RBFOX1: variants seen among roughly 807,000 people sequenced by gnomAD.
The protein encoded by RBFOX1 is RNA binding fox-1 homolog 1.
Under a neutral mutation model 57.7 loss-of-function variants are expected in RBFOX1, and 8 were observed. That is an observed-to-expected ratio of 0.14 (90% CI 0.08 to 0.25). The LOEUF (loss-of-function observed/expected upper bound fraction) is 0.25. RBFOX1 is among the 10% of genes least tolerant of loss of function. The pLI is 1.00. For synonymous variants in RBFOX1, 326 were observed against 222.4 expected (o/e 1.47, Z -4.15); for missense variants, 611 against 548.5 (o/e 1.11, Z -1.14).
intron 3 of RBFOX1, among the ~76,000 whole-genome samples, chr16:5,662,221 AG>A (rs1236153165): frequency 2.9e-4 from 44 of 152,240 alleles, no homozygotes. Flanking sequence ...TATACCTTTG[AG>A]TGTCTTCTAA....
chr16:6,784,820 T>C (rs192121840), intron 3 of RBFOX1, among the ~76,000 whole-genome samples: 1 of 152,256 alleles, frequency 6.6e-6, no homozygotes, highest in African/African-American at 2.4e-5. Context: ...CCACCTCATA[T>C]ATTTCATTGT....
intron 2 of RBFOX1, among the ~76,000 whole-genome samples, chr16:6,385,735 C>T (rs563413546): frequency 3.3e-5 from 5 of 152,186 alleles, no homozygotes; most frequent in East Asian, 3.9e-4. Flanking sequence ...GTGATAAGCA[C>T]AGTGACTCAT....
chr16:7,146,602 A>T (rs980319303), intron 4 of RBFOX1, among the ~76,000 whole-genome samples: 1 of 152,124 alleles, frequency 6.6e-6, no homozygotes, highest in African/African-American at 2.4e-5. Flanking sequence ...AGCTTATGAT[A>T]CCCAGCATAT....
intron 4 of RBFOX1, among the ~76,000 whole-genome samples, chr16:7,285,077 T>TA (rs1480586531): frequency 8.9e-6 from 1 of 112,184 alleles, no homozygotes; most frequent in Non-Finnish European, 1.7e-5. Context: ...ATTCCTTACT[T>TA]TTTTTTTTTT....
intron 2 of RBFOX1, among the ~76,000 whole-genome samples, chr16:6,543,251 C>T (rs2096848862): frequency 6.6e-6 from 1 of 152,080 alleles, no homozygotes; most frequent in African/African-American, 2.4e-5. Context: ...CTCCTCCATG[C>T]CACCGTTAGC....
chr16:6,418,519 ATTT>A (rs567448072), intron 2 of RBFOX1, among the ~76,000 whole-genome samples: 2 of 100,956 alleles, frequency 2.0e-5, no homozygotes, highest in African/African-American at 8.0e-5. Flanking sequence ...TGCAAGCCTT[ATTT>A]TTTTTTTTTT....
At chr16:7,289,395 C>T (rs907265702) in intron 4 of RBFOX1, among the ~76,000 whole-genome samples, 3 of 151,876 alleles carry the variant, frequency 2.0e-5, no homozygotes, top group African/African-American at 7.3e-5. Flanking sequence ...TTACCGATAC[C>T]AACATTACCA....
chr16:5,838,301 T>C (rs900463865), intron 3 of RBFOX1: 8 of 222,842 alleles, frequency 3.6e-5, no homozygotes, highest in Admixed American at 1.1e-4. Flanking sequence ...CCTGCCTCTT[T>C]CCACATGTAC....
At chr16:6,110,792 A>G (rs192585730) in intron 1 of RBFOX1, among the ~76,000 whole-genome samples, 5 of 152,266 alleles carry the variant, frequency 3.3e-5, no homozygotes, top group Non-Finnish European at 5.9e-5. Flanking sequence ...CACTGCTGCA[A>G]CCAGGGAGGC....
At chr16:7,567,694 T>TATGG (rs2092215081) in intron 5 of RBFOX1, among the ~76,000 whole-genome samples, 1 of 140,812 alleles carries the variant, frequency 7.1e-6, no homozygotes, top group Non-Finnish European at 1.5e-5. Context: ...TAGATATATA[T>TATGG]CCCTATATAT....
At chr16:5,805,435 G>T (rs2055194824) in intron 3 of RBFOX1, among the ~76,000 whole-genome samples, 1 of 152,180 alleles carries the variant, frequency 6.6e-6, no homozygotes. Context: ...TCTTTAATAT[G>T]AAGCTGTTAA....
At chr16:7,330,137 A>C (rs189135402) in intron 4 of RBFOX1, among the ~76,000 whole-genome samples, 2 of 152,130 alleles carry the variant, frequency 1.3e-5, no homozygotes, top group Admixed American at 1.3e-4. Flanking sequence ...TCATCCCTCA[A>C]TATGGTGGGA....
intron 4 of RBFOX1, among the ~76,000 whole-genome samples, chr16:7,439,956 T>C (rs949700643): frequency 1.0e-3 from 154 of 149,478 alleles, no homozygotes; most frequent in Admixed American, 2.1e-3. Context: ...TTTCTTTTTT[T>C]TTTTTTTTTT....
At chr16:7,256,348 A>T (rs967301178) in intron 4 of RBFOX1, among the ~76,000 whole-genome samples, 4 of 152,136 alleles carry the variant, frequency 2.6e-5, no homozygotes, top group African/African-American at 9.7e-5. Context: ...CATTCCTACC[A>T]GAAGTTCTGA....
intron 3 of RBFOX1, among the ~76,000 whole-genome samples, chr16:5,808,870 G>C (rs936547229): frequency 1.3e-5 from 2 of 152,148 alleles, no homozygotes; most frequent in Non-Finnish European, 2.9e-5. Context: ...TGCAAACAGG[G>C]ACAATTTGAC....
At chr16:7,682,069 C>T (rs1459040726) in intron 14 of RBFOX1, among the ~76,000 whole-genome samples, 2 of 152,222 alleles carry the variant, frequency 1.3e-5, no homozygotes, top group East Asian at 1.9e-4. Context: ...TGGTTGTCAA[C>T]CCTCTTTTCT....
chr16:7,015,309 T>C (rs61389301), intron 3 of RBFOX1, among the ~76,000 whole-genome samples: 7,542 of 152,210 alleles, frequency 0.05, 635 homozygotes, highest in African/African-American at 0.17. Flanking sequence ...CTGGGATTGT[T>C]CTTCTAGACT....
chr16:6,441,381 C>G (rs753258656), intron 2 of RBFOX1, among the ~76,000 whole-genome samples: 1 of 151,948 alleles, frequency 6.6e-6, no homozygotes, highest in Admixed American at 6.6e-5. Context: ...TTGTCAGCTT[C>G]GTTTTATTTT....
At chr16:6,933,952 A>C (rs2076965152) in intron 3 of RBFOX1, among the ~76,000 whole-genome samples, 1 of 152,216 alleles carries the variant, frequency 6.6e-6, no homozygotes, top group Admixed American at 6.5e-5. Flanking sequence ...GTATTGAAAA[A>C]TCAAAGTACT....
Sources: allele counts gnomAD v4.1 joint callset (sites outside exome capture counted in the v4.1 genomes callset), GRCh38; gene constraint gnomAD v4.1.1; transcripts MANE v1.5; gene names NCBI Gene and HGNC (gene_info 2026-07-23, HGNC 2026-07-21).